Variants in PDE6A observed in about 807,000 individuals in gnomAD.
PDE6A encodes the protein phosphodiesterase 6A.
Under a neutral mutation model 106.3 loss-of-function variants are expected in PDE6A, and 84 were observed. The ratio of observed to expected loss-of-function variants is 0.79; its 90% CI spans 0.66 to 0.95. PDE6A has a LOEUF of 0.95. Ranked by LOEUF, PDE6A falls within the 40% of genes least tolerant of loss-of-function variation. PDE6A has a pLI of 0.00. For missense variants in PDE6A, 1,052 were observed against 1,084.9 expected, an observed-to-expected ratio of 0.97 and a Z score of 0.43; for synonymous variants, 394 against 386.6, an observed-to-expected ratio of 1.02 and a Z score of -0.23.
At chr5:149,930,065 G>A (rs1753987077) in intron 4 of PDE6A, among the ~76,000 whole-genome samples, 1 of 152,074 alleles carries the variant, frequency 6.6e-6, no homozygotes, top group African/African-American at 2.4e-5. Context: ...CCAGGCCTAT[G>A]TTTCAATATA....
rs139444207 is a variant in PDE6A, at chr5:149,895,206, G to T, written c.1705C>A (p.Gln569Lys). 197 of 1,613,486 alleles carry T rather than the reference G, an allele frequency of 1.2e-4. No homozygotes were observed. Among genetic ancestry groups the T allele is most frequent in the Admixed American group, 2.3e-4 (14 of 60,026 alleles). ...ACCACCAGCAGGGAGAACATGGTCT[G>T]CCCCACGTTGAAGCCGTGCCGCCAG... Reference protein sequence around the residue: ...HNWRHGFNVGQTMFSLLVTGK... With the variant: ...HNWRHGFNVGKTMFSLLVTGK... Residue 569 changes from glutamine to lysine, a missense_variant, in exon 13 of 22, where the codon CAG becomes AAG. Coordinates refer to ENST00000255266, the MANE Select transcript of PDE6A (RefSeq NM_000440.3).
At chr5:149,921,775 C>A (rs773599924) in intron 4 of PDE6A, 66 bp from the exon 5 acceptor site, 134 of 1,227,344 alleles carry the variant, frequency 1.1e-4, no homozygotes, top group Non-Finnish European at 1.3e-4. Flanking sequence ...ATTAAGATGT[C>A]CCACCTCCAT....
At chr5:149,890,414 A>G (rs1752503491) in intron 13 of PDE6A, among the ~76,000 whole-genome samples, 1 of 152,234 alleles carries the variant, frequency 6.6e-6, no homozygotes, top group Non-Finnish European at 1.5e-5. Context: ...TTATATGGGA[A>G]GCATTGTCAA....
chr5:149,863,227 C>A lies in PDE6A; in HGVS notation c.2398G>T (p.Asp800Tyr), dbSNP rs765819449. 36 of 1,614,062 alleles carry A rather than the reference C, an allele frequency of 2.2e-5. No homozygotes were observed. Among genetic ancestry groups the A allele is most frequent in the Non-Finnish European group, 3.1e-5 (36 of 1,180,040 alleles). Residue 800 changes from aspartate (D) to tyrosine (Y), a missense_variant, in exon 21 of 22, where the codon GAC becomes TAC. This residue lies in a region of PDE6A where 135 missense variants were observed against 153.2 expected (regional missense o/e 0.88). Transcript: ENST00000255266. The surrounding 1 kb of genome is among the most constrained non-coding windows in gnomAD (Gnocchi z 4.7). ...TCCTTGCGATTGTTGGTGATCCCGT[C>A]CAACATTGGGGTGATCTCCTCGTGG... Reference protein sequence around the residue: ...RFHEEITPMLDGITNNRKEWK... With the variant: ...RFHEEITPMLYGITNNRKEWK...
At chr5:149,924,185 T>C (rs1333376718) in intron 4 of PDE6A, among the ~76,000 whole-genome samples, 1 of 152,106 alleles carries the variant, frequency 6.6e-6, no homozygotes, top group Non-Finnish European at 1.5e-5. Flanking sequence ...TATTGTCTCA[T>C]GAAGAAGATA....
At chr5:149,884,398 G>T (rs966911758) in intron 16 of PDE6A, 81 bp downstream of exon 16, 36 of 816,052 alleles carry the variant, frequency 4.4e-5, no homozygotes, top group Middle Eastern at 2.4e-4. Context: ...GTGTATATAT[G>T]TATATATATG....
intron 13 of PDE6A, among the ~76,000 whole-genome samples, chr5:149,890,089 G>A (rs1055073616): frequency 2.6e-5 from 4 of 151,248 alleles, no homozygotes; most frequent in African/African-American, 4.9e-5. Flanking sequence ...CTGAGTAGCC[G>A]GGATTACAGA....
intron 17 of PDE6A, among the ~76,000 whole-genome samples, chr5:149,877,390 C>A (rs1434563608): frequency 1.3e-5 from 2 of 152,102 alleles, no homozygotes; most frequent in Non-Finnish European, 1.5e-5. Flanking sequence ...TCAGCCTGGG[C>A]AACATAGTAA....
At chr5:149,861,724 A>C (rs1172898049) in intron 21 of PDE6A, among the ~76,000 whole-genome samples, 1 of 152,220 alleles carries the variant, frequency 6.6e-6, no homozygotes, top group African/African-American at 2.4e-5. Context: ...AATGTGGCCC[A>C]AAAATTCACA....
At chr5:149,880,442 G>A (rs1245880493) in intron 17 of PDE6A, among the ~76,000 whole-genome samples, 1 of 152,144 alleles carries the variant, frequency 6.6e-6, no homozygotes, top group African/African-American at 2.4e-5. Context: ...TGGGGGTGGT[G>A]GCTCACACCT....
At chr5:149,878,841 A>C (rs894671748) in intron 17 of PDE6A, among the ~76,000 whole-genome samples, 1 of 152,092 alleles carries the variant, frequency 6.6e-6, no homozygotes, top group African/African-American at 2.4e-5. Context: ...CTTTTCCTGG[A>C]ATCATATTAA....
In PDE6A at chr5:149,896,334, T is replaced by C. The variant is rs752170843; in HGVS notation, c.1620+22A>G. 1.7e-5 allele frequency: 27 copies of C among 1,585,182 alleles called. No individual in the cohort carries two copies. The South Asian group carries it at 2.9e-4, about 17-fold the overall frequency. On this transcript the variant is annotated intron_variant, in intron 12 of 21. Transcript: ENST00000255266. Reference sequence around the variant, plus strand: ...GAAAGAAAATTAAAAAGGGAAATCATATATATTTGTTTTGACCTCACCTCT... The same window carrying C: ...GAAAGAAAATTAAAAAGGGAAATCACATATATTTGTTTTGACCTCACCTCT...
chr5:149,866,100 C>A, intron 20 of PDE6A, 70 bp downstream of exon 20: 1 of 1,098,784 alleles, frequency 9.1e-7, no homozygotes. Context: ...GTTTATTATT[C>A]CTGCTGTTGT....
At chr5:149,921,815 GAGA>G (rs1393575292) in intron 4 of PDE6A, 106 bp from the exon 5 acceptor site, 8 of 881,186 alleles carry the variant, frequency 9.1e-6, no homozygotes, top group East Asian at 2.6e-5. Context: ...TTTAGAAAGT[GAGA>G]AGAACTCAGT....
intron 6 of PDE6A, among the ~76,000 whole-genome samples, chr5:149,907,853 A>G (rs1017280375): frequency 9.2e-5 from 14 of 152,322 alleles, no homozygotes; most frequent in Middle Eastern, 3.4e-3. Context: ...AAAAAAACAC[A>G]CACATAAACA....
intron 7 of PDE6A, among the ~76,000 whole-genome samples, chr5:149,906,133 C>T (rs531315728): frequency 6.6e-6 from 1 of 152,014 alleles, no homozygotes; most frequent in Non-Finnish European, 1.5e-5. Flanking sequence ...GTTGGGATTA[C>T]AGGCGTGAGT....
In PDE6A at chr5:149,886,351, G is replaced by A; in HGVS notation, c.1752C>T (p.Phe584=). 2 of 1,614,058 alleles carry A rather than the reference G, an allele frequency of 1.2e-6. No homozygotes were observed. Among genetic ancestry groups the A allele is most frequent in the Non-Finnish European group, 1.7e-6 (2 of 1,179,894 alleles). Residue 584 remains phenylalanine, a synonymous_variant, in exon 14 of 22, where the codon TTC becomes TTT. Transcript: ENST00000255266. The part of the protein sequence containing the change: ...LLVTGKLKRY[F]TDLEALAMVT... ...CCATGGCCAAGGCCTCTAGGTCCGT[G>A]AAGTAGCGCTTCAGCTTTCCCGTCT... is the stretch of plus-strand genomic sequence containing the variant.
intron 5 of PDE6A, 36 bp from the exon 6 acceptor site, chr5:149,915,043 T>TC: frequency 2.1e-6 from 3 of 1,420,618 alleles, no homozygotes; most frequent in Non-Finnish European, 2.9e-6. Context: ...TTTTTTTTTT[T>TC]TTTTTTTTTT....
At chr5:149,882,871 A>C (rs968054448) in intron 17 of PDE6A, among the ~76,000 whole-genome samples, 2 of 152,208 alleles carry the variant, frequency 1.3e-5, no homozygotes, top group Non-Finnish European at 2.9e-5. Flanking sequence ...CAGCCTAGGC[A>C]ACATGGCAAA....
Sources: allele counts gnomAD v4.1 joint callset (sites outside exome capture counted in the v4.1 genomes callset), GRCh38; gene constraint gnomAD v4.1.1; regional missense constraint gnomAD v4.1.1; non-coding constraint Gnocchi (gnomAD v3.1); transcripts MANE v1.5; gene names NCBI Gene and HGNC (gene_info 2026-07-23, HGNC 2026-07-21).